Variants in STIM1 observed in about 807,000 individuals in gnomAD.
The protein encoded by STIM1 is stromal interaction molecule 1.
A neutral mutation model predicts 74.7 loss-of-function variants in STIM1; 25 were observed. That is an observed-to-expected ratio of 0.33 (90% confidence interval 0.24 to 0.47). STIM1 has a LOEUF of 0.47. STIM1 is among the 20% of genes least tolerant of loss of function. STIM1 has a pLI of 1.00. For synonymous variants in STIM1, 328 were observed against 348.8 expected, an observed-to-expected ratio of 0.94 and a Z score of 0.66; for missense variants, 728 against 920.8, an observed-to-expected ratio of 0.79 and a Z score of 2.71.
intron 3 of STIM1, among the ~76,000 whole-genome samples, chr11:4,034,390 T>G (rs1204920488): frequency 6.6e-6 from 1 of 152,184 alleles, no homozygotes; most frequent in African/African-American, 2.4e-5. Flanking sequence ...TTGAGATGAT[T>G]GCATGGTTTT....
intron 5 of STIM1, among the ~76,000 whole-genome samples, chr11:4,059,930 A>G (rs1241324660): frequency 6.6e-6 from 1 of 152,188 alleles, no homozygotes; most frequent in Non-Finnish European, 1.5e-5. Context: ...CCTGTTACCT[A>G]CTTCTATATT....
intron 1 of STIM1, among the ~76,000 whole-genome samples, chr11:3,874,895 C>G (rs764998738): frequency 7.3e-5 from 11 of 151,346 alleles, no homozygotes; most frequent in Admixed American, 2.6e-4. Flanking sequence ...CCCCCTGTGT[C>G]TTTCTGATTT....
At chr11:3,984,502 T>C (rs1364694796) in intron 2 of STIM1, among the ~76,000 whole-genome samples, 1 of 152,224 alleles carries the variant, frequency 6.6e-6, no homozygotes, top group Admixed American at 6.5e-5. Flanking sequence ...CTGTTCCCAT[T>C]CTTCCTTGTA....
chr11:3,854,837 C>A (rs2135158714), upstream of STIM1: 1 of 152,444 alleles, frequency 6.6e-6, no homozygotes, highest in South Asian at 2.1e-4. Context: ...TTAGCCCAGA[C>A]TCAAGGAATG....
intron 1 of STIM1, among the ~76,000 whole-genome samples, chr11:3,864,433 G>A (rs140101599): frequency 1.1e-3 from 163 of 152,228 alleles, no homozygotes; most frequent in African/African-American, 3.8e-3. Flanking sequence ...GACTCTATTT[G>A]GGGGGAGAGT....
intron 1 of STIM1, among the ~76,000 whole-genome samples, chr11:3,937,290 C>CAATAAT (rs5789317): frequency 0.082 from 10,877 of 132,972 alleles, 593 homozygotes; most frequent in African/African-American, 0.15. Context: ...GACTTCATCT[C>CAATAAT]AATAATAATA....
At chr11:3,968,789 G>C (rs1234174813) in intron 2 of STIM1, among the ~76,000 whole-genome samples, 3 of 152,188 alleles carry the variant, frequency 2.0e-5, no homozygotes, top group African/African-American at 7.2e-5. Context: ...AATGATGATA[G>C]TAAAGTGAAA....
At chr11:4,086,706 C>T in intron 12 of STIM1, 163 bp downstream of exon 12, 1 of 1,538,872 alleles carries the variant, frequency 6.5e-7, no homozygotes, top group Non-Finnish European at 8.7e-7. Flanking sequence ...CCACCATCAC[C>T]ACTACCACCA....
At position 3,856,274 on chromosome 11, in the gene STIM1, G is replaced by A. The variant is rs2090364498; in HGVS notation, c.4G>A (p.Asp2Asn). The change falls in exon 1 of 13, where the codon GAT becomes AAT. Residue 2 changes from aspartate (D) to asparagine (N), a missense_variant. By Grantham distance (23) the Asp-to-Asn change is conservative. Transcript: ENST00000526596. MDVCVRLALWLL... is the reference protein window; with the variant it reads MNVCVRLALWLL... The stretch of plus-strand genomic sequence containing the variant: ...ATGTTGACTGAGACCTAGAGTCATG[G>A]ATGTATGCGTCCGTCTTGCCCTGTG... 6.2e-7 allele frequency: 1 copy of A among 1,614,124 alleles called. No individual in the cohort carries two copies. The highest frequency in any genetic ancestry group is 8.5e-7 in the Non-Finnish European group (1 of 1,180,030).
intron 3 of STIM1, among the ~76,000 whole-genome samples, chr11:4,052,892 G>GA (rs35626455): frequency 6.6e-6 from 1 of 151,846 alleles, no homozygotes; most frequent in Admixed American, 6.6e-5. Context: ...AAAGTTACAA[G>GA]AAAAAACCCC....
In STIM1 at chr11:3,950,258, T is replaced by C. The variant is rs370497211; in HGVS notation, c.140-17294T>C. 1.4e-4 allele frequency among the ~76,000 whole-genome samples: 22 copies of C among 151,738 alleles called. No individual in the cohort carries two copies. The South Asian group carries it at 3.6e-3, about 25-fold the overall frequency. ...AAGCGATTCTCCTGCCTCAGCCTCC[T>C]GAGTAGCTGGGATTACAGACATGCA... is the stretch of plus-strand genomic sequence containing the variant. On this transcript the variant is annotated intron_variant, in intron 1 of 12. Transcript: ENST00000526596.
chr11:3,974,796 ACTT>A (rs1448677657), intron 2 of STIM1, among the ~76,000 whole-genome samples: 1 of 151,792 alleles, frequency 6.6e-6, no homozygotes, highest in East Asian at 1.9e-4. Context: ...TTCTGTTCAA[ACTT>A]CTGGTGGGGT....
Position 3,869,841 on chromosome 11 carries a change from GA to G in STIM1, c.139+13433del, listed in dbSNP as rs374695095. On this transcript the variant is annotated intron_variant, in intron 1 of 12. Coordinates refer to ENST00000526596, the MANE Select transcript of STIM1 (RefSeq NM_001382567.1). ...GATAGGAGACTTTGCAACTGTTCAT[GA>G]GCAGAAGACATCAGGGTCTGCATTG... Among the ~76,000 whole-genome samples the G allele has an allele frequency of 2.4e-4, 36 of 152,308 alleles. 1 individual carries two copies. In the South Asian group the frequency reaches 7.5e-3, roughly 32 times the overall value.
At chr11:4,034,265 T>C (rs2094080183) in intron 3 of STIM1, among the ~76,000 whole-genome samples, 1 of 151,286 alleles carries the variant, frequency 6.6e-6, no homozygotes, top group Non-Finnish European at 1.5e-5. Context: ...AACAAAATTA[T>C]ATATATATAT....
At chr11:4,055,663 T>C in intron 4 of STIM1, 26 bp downstream of exon 4, 1 of 1,539,992 alleles carries the variant, frequency 6.5e-7, no homozygotes, top group Non-Finnish European at 8.8e-7. Flanking sequence ...GGTTTTTCTC[T>C]GTTGAGGGTA....
At chr11:4,013,929 G>A (rs2093868866) in intron 2 of STIM1, among the ~76,000 whole-genome samples, 2 of 151,602 alleles carry the variant, frequency 1.3e-5, no homozygotes, top group Admixed American at 6.6e-5. Flanking sequence ...GGATGGTCTC[G>A]ATCTCCTGAC....
At chr11:3,899,446 A>G (rs1477579296) in intron 1 of STIM1, among the ~76,000 whole-genome samples, 2 of 152,138 alleles carry the variant, frequency 1.3e-5, no homozygotes, top group African/African-American at 2.4e-5. Flanking sequence ...TAGATATACA[A>G]TCATGTCATC....
chr11:4,016,871 C>G (rs1034323752), intron 2 of STIM1, among the ~76,000 whole-genome samples: 5 of 152,226 alleles, frequency 3.3e-5, no homozygotes, highest in Non-Finnish European at 7.3e-5. Context: ...TGGGACCCGC[C>G]GAGCCAGGCA....
intron 1 of STIM1, among the ~76,000 whole-genome samples, chr11:3,881,471 T>C (rs370336293): frequency 7.0e-4 from 105 of 150,128 alleles, no homozygotes; most frequent in African/African-American, 2.5e-3. Context: ...CCCGGGTTCA[T>C]GCCATTCTCC....
Sources: gnomAD v4.1 joint callset for allele counts (sites outside exome capture counted in the v4.1 genomes callset) on GRCh38, gnomAD v4.1.1 for gene constraint, MANE v1.5 for transcripts, NCBI Gene and HGNC (gene_info 2026-07-23, HGNC 2026-07-21) for gene names.